The following CCDC148 variants were observed in gnomAD, a reference collection of about 807,000 sequenced individuals.
CCDC148 encodes coiled-coil domain-containing protein 148.
Under a neutral mutation model 85.7 loss-of-function variants are expected in CCDC148, and 89 were observed. The ratio of observed to expected loss-of-function variants is 1.04; its 90% confidence interval spans 0.87 to 1.24. The LOEUF is 1.24. Among genes scored for constraint, CCDC148 ranks in the 50% most tolerant of loss-of-function variants. The pLI, the probability that CCDC148 is intolerant of heterozygous loss-of-function variation, is 0.00. For synonymous variants in CCDC148, 230 were observed against 213.9 expected (o/e 1.08, Z -0.66); for missense variants, 692 against 671.7 (o/e 1.03, Z -0.33).
chr2:158,214,848 G>T (rs1219642956), intron 11 of CCDC148, among the ~76,000 whole-genome samples: 5 of 152,030 alleles, frequency 3.3e-5, no homozygotes, highest in Non-Finnish European at 5.9e-5. Flanking sequence ...GTCTAGAGCT[G>T]TAGAGCTATT....
At chr2:158,264,725 C>A (rs980604500) in intron 9 of CCDC148, among the ~76,000 whole-genome samples, 1 of 151,988 alleles carries the variant, frequency 6.6e-6, no homozygotes, top group African/African-American at 2.4e-5. Flanking sequence ...TGAGTACTCA[C>A]AAGACGATAA....
In CCDC148 at chr2:158,188,364, G is replaced by A. The variant is rs576500333; in HGVS notation, c.1371-9368C>T. Among the ~76,000 whole-genome samples the A allele has an allele frequency of 2.0e-5, 3 of 152,014 alleles. No individual in the cohort carries two copies. The East Asian group carries it at 5.8e-4, about 29-fold the overall frequency. ...CTGATTGAGGTGACTTCACATTTGG[G>A]ATTATTAGCTATAAACCACTTTATA... On this transcript the variant is annotated intron_variant, in intron 11 of 13. Coordinates refer to ENST00000283233, the MANE Select transcript of CCDC148 (RefSeq NM_138803.4).
At chr2:158,351,327 G>A (rs1022340672) in intron 2 of CCDC148, among the ~76,000 whole-genome samples, 9 of 152,178 alleles carry the variant, frequency 5.9e-5, no homozygotes, top group African/African-American at 2.2e-4. Flanking sequence ...GAGGTACCGG[G>A]TTCATCTCAC....
intron 9 of CCDC148, among the ~76,000 whole-genome samples, chr2:158,278,753 C>A (rs910449346): frequency 6.6e-6 from 1 of 152,274 alleles, no homozygotes; most frequent in Admixed American, 6.5e-5. Context: ...ATGTCCCTGT[C>A]TGACAGCTTT....
chr2:158,287,219 T>A (rs1234013823), intron 9 of CCDC148, among the ~76,000 whole-genome samples: 2 of 152,108 alleles, frequency 1.3e-5, no homozygotes, highest in Non-Finnish European at 2.9e-5. Context: ...AGAGATACAA[T>A]TAAAGTTGAG....
chr2:158,266,475 TA>T (rs1689458622), intron 9 of CCDC148, among the ~76,000 whole-genome samples: 1 of 152,178 alleles, frequency 6.6e-6, no homozygotes, highest in Non-Finnish European at 1.5e-5. Context: ...TTAAATTTTT[TA>T]ATTTATTTCC....
intron 11 of CCDC148, among the ~76,000 whole-genome samples, chr2:158,188,390 T>C (rs150176701): frequency 2.1e-4 from 32 of 152,160 alleles, no homozygotes; most frequent in Non-Finnish European, 4.3e-4. Flanking sequence ...CCACTTTATA[T>C]AATCTAAAAA....
Position 158,406,616 on chromosome 2 carries a change from T to TTTTTTTCTGTTTTTTTTTTTTGG in CCDC148, c.26-48047_26-48046insCCAAAAAAAAAAAACAGAAAAAA, listed in dbSNP as rs1276531586. On this transcript the variant is annotated intron_variant, in intron 1 of 13. Transcript: ENST00000283233. ...GCCAGTTAAACAGATTAAATTTCTT[T>TTTTTTTCTGTTTTTTTTTTTTGG]TTTTTTTTTTTTTTTTTTTTTTTTG... is the stretch of plus-strand genomic sequence containing the variant. Among the ~76,000 whole-genome samples the TTTTTTTCTGTTTTTTTTTTTTGG allele has an allele frequency of 1.8e-4, 13 of 73,092 alleles. 2 individuals are homozygous for TTTTTTTCTGTTTTTTTTTTTTGG. Among genetic ancestry groups the TTTTTTTCTGTTTTTTTTTTTTGG allele is most frequent in the Non-Finnish European group, 3.3e-4 (12 of 35,928 alleles). The allele number at this position is 73,092 out of a possible 152,430, so 48.0% of individuals were successfully genotyped here. A position where few individuals can be genotyped will look rare whatever the true frequency, so the allele number is the denominator to read the frequency against.
At chr2:158,385,932 C>G (rs375780836) in intron 1 of CCDC148, among the ~76,000 whole-genome samples, 2 of 152,094 alleles carry the variant, frequency 1.3e-5, no homozygotes, top group East Asian at 1.9e-4. Flanking sequence ...CACTGTCTCC[C>G]TGGTTTTCTG....
At chr2:158,342,678 C>T (rs1682773801) in intron 3 of CCDC148, among the ~76,000 whole-genome samples, 1 of 152,186 alleles carries the variant, frequency 6.6e-6, no homozygotes, top group Admixed American at 6.5e-5. Context: ...GGATAAGAAT[C>T]TATACCAAGG....
chr2:158,357,011 CAT>C (rs1683684689), intron 2 of CCDC148, among the ~76,000 whole-genome samples: 1 of 149,056 alleles, frequency 6.7e-6, no homozygotes, highest in Non-Finnish European at 1.5e-5. Flanking sequence ...TATTCTCACT[CAT>C]AGGTGGGAAC....
At chr2:158,225,375 T>TG (rs1687449534) in intron 10 of CCDC148, among the ~76,000 whole-genome samples, 1 of 152,150 alleles carries the variant, frequency 6.6e-6, no homozygotes. Context: ...AACACTCCAC[T>TG]GTCAACATTA....
chr2:158,361,920 A>T (rs1380244206), intron 1 of CCDC148, among the ~76,000 whole-genome samples: 1 of 151,110 alleles, frequency 6.6e-6, no homozygotes, highest in Non-Finnish European at 1.5e-5. Flanking sequence ...TATTCAGGAG[A>T]TCCATCTCAT....
intron 1 of CCDC148, among the ~76,000 whole-genome samples, chr2:158,382,107 T>G (rs549694412): frequency 6.6e-6 from 1 of 152,218 alleles, no homozygotes; most frequent in Admixed American, 6.5e-5. Context: ...CAAGGGCCCA[T>G]CTTTGAGGCA....
chr2:158,338,818 C>A lies in CCDC148; in HGVS notation c.672G>T (p.Leu224Phe), dbSNP rs1349171958. ...AGAACTCACTGAGAATTGAAGATTT[C>A]AAATCAGGGTATGGGCATTCCAAAC... ...LESLECPYPD[L>F]KSSILSEFYK... is the part of the protein sequence containing the mutation. Residue 224 changes from leucine (L) to phenylalanine (F), a missense_variant, in exon 7 of 14, where the codon TTG (leucine) becomes TTT (phenylalanine). Coordinates refer to ENST00000283233, the MANE Select transcript of CCDC148 (RefSeq NM_138803.4). 1 of 1,612,394 alleles carries A rather than the reference C, an allele frequency of 6.2e-7. No individual in the cohort carries two copies. Among genetic ancestry groups the A allele is most frequent in the African/African-American group, 1.3e-5 (1 of 74,806 alleles).
intron 9 of CCDC148, among the ~76,000 whole-genome samples, chr2:158,263,447 A>G (rs1247394772): frequency 6.6e-6 from 1 of 152,026 alleles, no homozygotes; most frequent in Non-Finnish European, 1.5e-5. Context: ...CCACTTCCCA[A>G]CTAGATTATA....
chr2:158,280,389 A>G (rs923530842), intron 9 of CCDC148, among the ~76,000 whole-genome samples: 2 of 152,184 alleles, frequency 1.3e-5, no homozygotes, highest in Non-Finnish European at 1.5e-5. Flanking sequence ...CCCATCTCAC[A>G]TGCAGAGACA....
At chr2:158,359,088 T>G (rs774371618) in intron 1 of CCDC148, among the ~76,000 whole-genome samples, 2 of 152,190 alleles carry the variant, frequency 1.3e-5, no homozygotes, top group Non-Finnish European at 2.9e-5. Flanking sequence ...ATTAAAATGA[T>G]GTAAAATGTC....
intron 1 of CCDC148, among the ~76,000 whole-genome samples, chr2:158,414,579 TAA>T (rs11381898): frequency 6.7e-6 from 1 of 149,882 alleles, no homozygotes; most frequent in Non-Finnish European, 1.5e-5. Context: ...CTTAAAAGTA[TAA>T]AAAAAAAAGA....
Sources: gnomAD v4.1 joint callset for allele counts (sites outside exome capture counted in the v4.1 genomes callset) on GRCh38, gnomAD v4.1.1 for gene constraint, MANE v1.5 for transcripts, NCBI Gene and HGNC (gene_info 2026-07-23, HGNC 2026-07-21) for gene names.